The following NSL1 variants were observed in gnomAD, a reference collection of about 807,000 sequenced individuals.
NSL1 encodes the protein NSL1 component of MIS12 kinetochore complex.
In NSL1, 11 loss-of-function variants were observed where a neutral mutation model predicts 25.4. The observed-to-expected ratio is 0.43, with a 90% CI of 0.27 to 0.72. The LOEUF (loss-of-function observed/expected upper bound fraction) is 0.72, where lower values mean the gene tolerates loss of function less well. Ranked by LOEUF, NSL1 falls within the 30% of genes least tolerant of loss-of-function variation. The pLI is 0.19. For missense variants in NSL1, 330 were observed against 342.7 expected (o/e 0.96, Z 0.29); for synonymous variants, 118 against 120.6 (o/e 0.98, Z 0.14).
intron 4 of NSL1, among the ~76,000 whole-genome samples, chr1:212,764,528 G>A (rs1032331420): frequency 1.3e-5 from 2 of 152,074 alleles, no homozygotes; most frequent in Non-Finnish European, 2.9e-5. Flanking sequence ...TAGACCATTA[G>A]TGAGATTAAC....
intron 4 of NSL1, among the ~76,000 whole-genome samples, chr1:212,766,645 T>TAAA (rs1235557027): frequency 8.2e-6 from 1 of 122,476 alleles, no homozygotes; most frequent in South Asian, 2.5e-4. Context: ...GACTCCATCT[T>TAAA]AAAAAAAAAA....
At chr1:212,748,198 G>A (rs1250378514) in intron 4 of NSL1, among the ~76,000 whole-genome samples, 1 of 152,032 alleles carries the variant, frequency 6.6e-6, no homozygotes, top group Non-Finnish European at 1.5e-5. Flanking sequence ...ACTTATCACT[G>A]ATTGAATAAA....
chr1:212,749,256 ATTC>A (rs1462617595), intron 4 of NSL1, among the ~76,000 whole-genome samples: 3 of 151,206 alleles, frequency 2.0e-5, no homozygotes, highest in Non-Finnish European at 2.9e-5. Flanking sequence ...GTAAAATCAT[ATTC>A]TTCTTCATTG....
chr1:212,762,284 T>C (rs1458702862), intron 4 of NSL1, among the ~76,000 whole-genome samples: 1 of 130,898 alleles, frequency 7.6e-6, no homozygotes, highest in Non-Finnish European at 1.6e-5. Context: ...GGCAACAGAG[T>C]CTCACTCTGT....
intron 3 of NSL1, chr1:212,784,044 A>C (rs2102403454): frequency 6.0e-6 from 1 of 166,496 alleles, no homozygotes; most frequent in East Asian, 1.6e-4. Context: ...GTGTTAAAAG[A>C]AAAGCTTCTT....
chr1:212,750,692 C>A (rs571201130), intron 4 of NSL1, among the ~76,000 whole-genome samples: 36 of 152,278 alleles, frequency 2.4e-4, no homozygotes, highest in African/African-American at 8.7e-4. Context: ...GTAATCCCAG[C>A]ACTTTGGGAG....
intron 5 of NSL1, 33 bp from the exon 6 acceptor site, chr1:212,738,719 A>C (rs1291547122): frequency 6.4e-7 from 1 of 1,565,096 alleles, no homozygotes; most frequent in Admixed American, 1.8e-5. Context: ...ATTCAACATT[A>C]ATCTCAGGTT....
chr1:212,767,266 A>G (rs990279001), intron 4 of NSL1, among the ~76,000 whole-genome samples: 5 of 152,256 alleles, frequency 3.3e-5, no homozygotes, highest in Admixed American at 1.3e-4. Context: ...GGAACAGAAC[A>G]GAGAACTCAG....
At chr1:212,747,858 T>C (rs555074591) in intron 4 of NSL1, among the ~76,000 whole-genome samples, 7 of 151,608 alleles carry the variant, frequency 4.6e-5, no homozygotes, top group Non-Finnish European at 8.8e-5. Context: ...CTCTGCCTCC[T>C]GGTTCAAGTG....
rs1228603663 is a variant in NSL1 at position 212,731,255 on chromosome 1, T to C, written c.*7153A>G. 6 of 984,730 alleles carry C rather than the reference T, an allele frequency of 6.1e-6. No individual in the cohort carries two copies. The highest frequency in any genetic ancestry group is 3.5e-5 in the African/African-American group (2 of 57,074). The allele number at this position is 984,730 out of a possible 1,614,324, so 61.0% of individuals were successfully genotyped here. ...CAAAAACAGAGAATAGTAAGTCTTA[T>C]CTGAAATATACTGTGATAGGCCAGG... On this transcript the variant is annotated 3_prime_UTR_variant, in exon 6 of 6. Transcript: ENST00000366977.
At chr1:212,766,965 TC>T (rs1391855343) in intron 4 of NSL1, among the ~76,000 whole-genome samples, 2 of 152,072 alleles carry the variant, frequency 1.3e-5, no homozygotes, top group Non-Finnish European at 1.5e-5. Context: ...GGAAAACACA[TC>T]CCATGTTCAT....
In NSL1 at chr1:212,730,967, T is replaced by C; in HGVS notation, c.*7441A>G. On this transcript the variant is annotated 3_prime_UTR_variant, in exon 6 of 6. Coordinates refer to ENST00000366977, the MANE Select transcript of NSL1 (RefSeq NM_015471.4). ...ACTCATTCATTCAACGAATATTAGT[T>C]TACAGCCCATGGGCAAAGTATGAGC... 6 of 985,390 alleles carry C rather than the reference T, an allele frequency of 6.1e-6. No homozygotes were observed. Among genetic ancestry groups the C allele is most frequent in the Non-Finnish European group, 7.2e-6 (6 of 829,920 alleles). The allele number at this position is 985,390 out of a possible 1,614,324, so 61.0% of individuals were successfully genotyped here. A position where few individuals can be genotyped will look rare whatever the true frequency, so the allele number is the denominator to read the frequency against.
At chr1:212,752,005 G>A (rs1264387783) in intron 4 of NSL1, among the ~76,000 whole-genome samples, 1 of 152,102 alleles carries the variant, frequency 6.6e-6, no homozygotes, top group Non-Finnish European at 1.5e-5. Flanking sequence ...CTTTCTCGAG[G>A]ACCATTCTCA....
intron 4 of NSL1, among the ~76,000 whole-genome samples, chr1:212,778,369 AC>A (rs1306591308): frequency 6.6e-6 from 1 of 152,044 alleles, no homozygotes; most frequent in African/African-American, 2.4e-5. Context: ...AAAACAGACA[AC>A]CCTCTTTAAA....
chr1:212,731,596 T>G lies in NSL1; in HGVS notation c.*6812A>C. The G allele has an allele frequency of 1.0e-6, 1 of 985,460 alleles. No homozygotes were observed. Among genetic ancestry groups the G allele is most frequent in the Non-Finnish European group, 1.2e-6 (1 of 829,942 alleles). The allele number at this position is 985,460 out of a possible 1,614,324, so 61.0% of individuals were successfully genotyped here. A position where few individuals can be genotyped will look rare whatever the true frequency, so the allele number is the denominator to read the frequency against. On this transcript the variant is annotated 3_prime_UTR_variant, in exon 6 of 6. Transcript: ENST00000366977. ...GCTTCTATCAAAAATTATCAGTCCC[T>G]GGCCCAGTTCCCCCACCTAAGTTCA...
At chr1:212,748,886 C>A (rs1289884630) in intron 4 of NSL1, among the ~76,000 whole-genome samples, 1 of 151,968 alleles carries the variant, frequency 6.6e-6, no homozygotes, top group Non-Finnish European at 1.5e-5. Context: ...AAGCAGTGGC[C>A]CCAATTGTGA....
chr1:212,740,859 A>C (rs1258520236), intron 4 of NSL1, among the ~76,000 whole-genome samples: 1 of 152,192 alleles, frequency 6.6e-6, no homozygotes, highest in Non-Finnish European at 1.5e-5. Context: ...AAATAACAAA[A>C]TTGATGGCAT....
intron 4 of NSL1, among the ~76,000 whole-genome samples, chr1:212,771,212 A>G (rs111672629): frequency 0.023 from 3,464 of 152,110 alleles, 62 homozygotes; most frequent in South Asian, 0.041. Flanking sequence ...TACTCAGGAG[A>G]CTGAGGCAGG....
chr1:212,768,254 A>T (rs1202531145), intron 4 of NSL1, among the ~76,000 whole-genome samples: 1 of 133,790 alleles, frequency 7.5e-6, no homozygotes, highest in African/African-American at 2.8e-5. Flanking sequence ...TGGGAGGCGG[A>T]GCTTGCAGTG....
Sources: allele counts gnomAD v4.1 joint callset (sites outside exome capture counted in the v4.1 genomes callset), GRCh38; gene constraint gnomAD v4.1.1; transcripts MANE v1.5; gene names NCBI Gene and HGNC (gene_info 2026-07-23, HGNC 2026-07-21).